Variants in GK5 observed in about 807,000 individuals in gnomAD.
GK5 encodes glycerol kinase 5.
GK5 carries 39 observed loss-of-function variants against 77.3 expected under a neutral mutation model. That is an observed-to-expected ratio of 0.50 (90% CI 0.39 to 0.66). The LOEUF (loss-of-function observed/expected upper bound fraction) is 0.66. GK5 is among the 30% of genes least tolerant of loss of function. The pLI, the probability that GK5 is intolerant of heterozygous loss-of-function variation, is 0.00. For missense variants in GK5, 487 were observed against 633.8 expected (o/e 0.77, Z 2.49); for synonymous variants, 211 against 208.0 (o/e 1.01, Z -0.13).
Position 142,185,993 on chromosome 3 carries a change from C to T in GK5, c.756-4G>A. 6.3e-7 allele frequency: 1 copy of T among 1,599,854 alleles called. No homozygotes were observed. Among genetic ancestry groups the T allele is most frequent in the Non-Finnish European group, 8.5e-7 (1 of 1,170,608 alleles). The stretch of plus-strand genomic sequence containing the variant: ...ATCCACTGATCCAAAATTGTGGCTT[C>T]AAATAAAATTCATTAAAAAGTTAGT... On this transcript the variant is annotated splice_region_variant and splice_polypyrimidine_tract_variant and intron_variant, in intron 8 of 15. Transcript: ENST00000392993.
intron 12 of GK5, among the ~76,000 whole-genome samples, 198 bp downstream of exon 12, chr3:142,177,284 G>A (rs1384904892): frequency 1.3e-5 from 2 of 152,126 alleles, no homozygotes; most frequent in Admixed American, 1.3e-4. Context: ...AGCCAGCAGG[G>A]CCACATTCAG....
intron 4 of GK5, among the ~76,000 whole-genome samples, chr3:142,200,684 G>A (rs1204001058): frequency 6.6e-6 from 1 of 152,104 alleles, no homozygotes; most frequent in Non-Finnish European, 1.5e-5. Context: ...TTAAAATGTA[G>A]ATAACTCAGG....
chr3:142,212,630 A>C (rs116004821), intron 3 of GK5, among the ~76,000 whole-genome samples: 243 of 152,278 alleles, frequency 1.6e-3, no homozygotes, highest in African/African-American at 5.6e-3. Context: ...GACAATTTAG[A>C]ATCTTGGCTC....
chr3:142,165,499 A>T lies in GK5; in HGVS notation c.*123T>A. ...GTTTTTTTAAAAGCAATGCTTCTTA[A>T]GTTATGAAGCTTATTTAAAATTTTC... On this transcript the variant is annotated 3_prime_UTR_variant, in exon 16 of 16. Transcript: ENST00000392993. The T allele has an allele frequency of 1.5e-6, 1 of 660,812 alleles. No individual in the cohort carries two copies. The highest frequency in any genetic ancestry group is 2.4e-6 in the Non-Finnish European group (1 of 421,008). 40.9% of individuals were successfully genotyped at this position (660,812 alleles called of 1,614,324 possible).
chr3:142,225,356 G>T lies in GK5; in HGVS notation c.100C>A (p.His34Asn). 2 of 1,576,694 alleles carry T rather than the reference G, an allele frequency of 1.3e-6. No individual in the cohort carries two copies. Among genetic ancestry groups the T allele is most frequent in the African/African-American group, 1.4e-5 (1 of 73,718 alleles). The change falls in exon 1 of 16, where the codon CAC becomes AAC. Residue 34 changes from histidine to asparagine, a missense_variant. Physicochemically the swap from His to Asn is moderately conservative, Grantham distance 68 (BLOSUM62 1). Coordinates refer to ENST00000392993, the MANE Select transcript of GK5 (RefSeq NM_001039547.3). Reference protein sequence around the residue: ...LDVGSSVIRCHVYDRAARVCG... With the variant: ...LDVGSSVIRCNVYDRAARVCG... ...ACCCGCGCCGCCCGGTCATAGACGT[G>T]GCAGCGGATCACAGAACTGCCCACA...
chr3:142,199,647 T>G (rs2063988382), intron 4 of GK5, among the ~76,000 whole-genome samples: 1 of 152,082 alleles, frequency 6.6e-6, no homozygotes, highest in Non-Finnish European at 1.5e-5. Context: ...TGATTTTATT[T>G]AATACTACCT....
intron 11 of GK5, among the ~76,000 whole-genome samples, chr3:142,179,272 A>T (rs190665845): frequency 2.6e-4 from 40 of 152,374 alleles, no homozygotes; most frequent in African/African-American, 8.4e-4. Context: ...TCACTCAATA[A>T]TAACTACAAA....
intron 1 of GK5, among the ~76,000 whole-genome samples, chr3:142,218,229 CAAA>C (rs769407213): frequency 1.2e-4 from 10 of 80,408 alleles, no homozygotes; most frequent in Admixed American, 2.8e-4. Context: ...CATCCATATG[CAAA>C]AAAAAAAAAA....
chr3:142,215,785 A>G (rs2064268468), intron 1 of GK5, 93 bp from the exon 2 acceptor site: 1 of 606,828 alleles, frequency 1.6e-6, no homozygotes, highest in Admixed American at 3.3e-5. Flanking sequence ...AAAATAATTA[A>G]CATGATTTTA....
Position 142,170,329 on chromosome 3 carries a change from A to G in GK5, c.1437T>C (p.Ala479=), listed in dbSNP as rs1336801203. 7 of 1,614,048 alleles carry G rather than the reference A, an allele frequency of 4.3e-6. No homozygotes were observed. The highest frequency in any genetic ancestry group is 2.5e-6 in the Non-Finnish European group (3 of 1,179,976). Residue 479 remains alanine (A), a synonymous_variant, in exon 15 of 16, where the codon GCT becomes GCC. Transcript: ENST00000392993. ...TCTTATAAATTTCACACATACCAAC[A>G]GCAAGGCCAGCTAGAGAAGCTGCAC... ...CLGAASLAGL[A]VGFWTDKEEL...
At chr3:142,211,218 CT>C (rs2064184171) in intron 3 of GK5, among the ~76,000 whole-genome samples, 1 of 152,168 alleles carries the variant, frequency 6.6e-6, no homozygotes. Context: ...CTACTGACAT[CT>C]AGTGGGTAGA....
chr3:142,178,889 C>A (rs528051669), intron 11 of GK5, among the ~76,000 whole-genome samples: 2 of 152,328 alleles, frequency 1.3e-5, no homozygotes, highest in African/African-American at 4.8e-5. Flanking sequence ...CTCCTGCCAG[C>A]GGCAGGCACG....
chr3:142,193,537 C>T (rs2063885728), intron 5 of GK5, among the ~76,000 whole-genome samples: 1 of 150,342 alleles, frequency 6.7e-6, no homozygotes. Flanking sequence ...TTGTGTTGTA[C>T]CTGTAGATAA....
At chr3:142,224,974 G>C (rs1170612538) in intron 1 of GK5, among the ~76,000 whole-genome samples, 7 of 152,200 alleles carry the variant, frequency 4.6e-5, no homozygotes, top group Non-Finnish European at 1.5e-5. Flanking sequence ...AGCCTGCCCA[G>C]TCCCGTCCGG....
intron 4 of GK5, among the ~76,000 whole-genome samples, chr3:142,200,000 A>G (rs1257019142): frequency 1.3e-5 from 2 of 152,100 alleles, no homozygotes; most frequent in African/African-American, 2.4e-5. Flanking sequence ...TAACACATCA[A>G]TTAATAAAAT....
intron 14 of GK5, among the ~76,000 whole-genome samples, chr3:142,171,035 C>T (rs2063529663): frequency 6.6e-6 from 1 of 152,032 alleles, no homozygotes; most frequent in Admixed American, 6.6e-5. Flanking sequence ...TCAATACCAC[C>T]CTGGCCAACA....
chr3:142,160,751 C>T lies in GK5; in HGVS notation c.*4871G>A, dbSNP rs1446880702. ...TTTATTTTATTAAGACAGGGCCTTG[C>T]CCTGTTGCCCAGGCTGGAGTGCAGT... On this transcript the variant is annotated 3_prime_UTR_variant, in exon 16 of 16. Transcript: ENST00000392993. The T allele has an allele frequency of 6.6e-6, 1 of 152,186 alleles. No homozygotes were observed. The highest frequency in any genetic ancestry group is 1.5e-5 in the Non-Finnish European group (1 of 68,052). The allele number at this position is 152,186 out of a possible 1,614,324, so 9.4% of individuals were successfully genotyped here. A position where few individuals can be genotyped will look rare whatever the true frequency, so the allele number is the denominator to read the frequency against.
chr3:142,183,260 C>T (rs755587682), intron 9 of GK5: 2 of 380,664 alleles, frequency 5.3e-6, no homozygotes, highest in South Asian at 1.5e-4. Flanking sequence ...AGATAACTGA[C>T]ATGCCTCAGG....
Position 142,164,048 on chromosome 3 carries a change from A to C in GK5, c.*1574T>G, listed in dbSNP as rs1387499067. The C allele has an allele frequency of 6.6e-6, 1 of 152,142 alleles. No homozygotes were observed. The highest frequency in any genetic ancestry group is 1.5e-5 in the Non-Finnish European group (1 of 68,042). The allele number at this position is 152,142 out of a possible 1,614,324, so 9.4% of individuals were successfully genotyped here. A position where few individuals can be genotyped will look rare whatever the true frequency, so the allele number is the denominator to read the frequency against. On this transcript the variant is annotated 3_prime_UTR_variant, in exon 16 of 16. Coordinates refer to ENST00000392993, the MANE Select transcript of GK5 (RefSeq NM_001039547.3). ...CAGTAAATAAAATACCTATTTATTA[A>C]TATTTCCAAATATTAATTAGATTTA...
Sources: allele counts gnomAD v4.1 joint callset (sites outside exome capture counted in the v4.1 genomes callset), GRCh38; gene constraint gnomAD v4.1.1; transcripts MANE v1.5; gene names NCBI Gene and HGNC (gene_info 2026-07-23, HGNC 2026-07-21).